Variants in SOX5 observed in about 807,000 individuals in gnomAD.
The protein encoded by SOX5 is SRY-box transcription factor 5.
SOX5 carries 9 observed loss-of-function variants against 92.0 expected under a neutral mutation model. That is an observed-to-expected ratio of 0.10 (90% CI 0.06 to 0.17). SOX5 has a LOEUF of 0.17. SOX5 is among the 10% of genes least tolerant of loss of function. The probability of loss-of-function intolerance (pLI) is 1.00; values close to 1 mark genes in which losing one functional copy is unlikely to be tolerated. For synonymous variants in SOX5, 344 were observed against 336.3 expected, an observed-to-expected ratio of 1.02 and a Z score of -0.25; for missense variants, 642 against 944.5, an observed-to-expected ratio of 0.68 and a Z score of 4.20.
At chr12:24,126,555 G>C (rs115366679) in intron 4 of SOX5, among the ~76,000 whole-genome samples, 2 of 152,088 alleles carry the variant, frequency 1.3e-5, no homozygotes, top group Non-Finnish European at 2.9e-5. Context: ...GCCACTTCTC[G>C]GCATCTCCAC....
intron 4 of SOX5, among the ~76,000 whole-genome samples, chr12:23,749,939 G>A (rs2094131873): frequency 6.6e-6 from 1 of 151,704 alleles, no homozygotes. Flanking sequence ...TGGTCAATAT[G>A]TAAACAGGGA....
intron 4 of SOX5, among the ~76,000 whole-genome samples, chr12:24,008,481 T>C (rs546045077): frequency 1.3e-5 from 2 of 152,218 alleles, no homozygotes; most frequent in South Asian, 2.1e-4. Flanking sequence ...ATGGACATCC[T>C]AGTACAGAGC....
intron 1 of SOX5, among the ~76,000 whole-genome samples, chr12:24,433,982 T>C (rs535027163): frequency 6.6e-6 from 1 of 152,140 alleles, no homozygotes; most frequent in South Asian, 2.1e-4. Context: ...AAAAGGCCAA[T>C]GGCATTGCCT....
At chr12:23,697,015 A>T (rs2140140890) in intron 6 of SOX5, among the ~76,000 whole-genome samples, 1 of 152,230 alleles carries the variant, frequency 6.6e-6, no homozygotes, top group African/African-American at 2.4e-5. Flanking sequence ...CCAGAGTGTA[A>T]TCTGCTTGCT....
chr12:24,507,243 C>T (rs1035255412), intron 1 of SOX5, among the ~76,000 whole-genome samples: 3 of 151,878 alleles, frequency 2.0e-5, no homozygotes, highest in Non-Finnish European at 4.4e-5. Context: ...AGGCTGTCAC[C>T]ACTTGAACCC....
In SOX5 at chr12:23,534,402, C is replaced by T; in HGVS notation, c.2109G>A (p.Glu703=). 1 of 1,614,130 alleles carries T rather than the reference C, an allele frequency of 6.2e-7. No homozygotes were observed. The highest frequency in any genetic ancestry group is 8.5e-7 in the Non-Finnish European group (1 of 1,180,010). Residue 703 remains glutamate, a synonymous_variant, in exon 15 of 15, where the codon GAG becomes GAA. Transcript: ENST00000451604. ...SEHSSVSSSP[E]PGMPVIQSTY... ...TGCTCTGGATAACAGGCATCCCAGG[C>T]TCTGGGCTGCTAGACACGCTTGAGT... is the stretch of plus-strand genomic sequence containing the variant.
Position 23,721,073 on chromosome 12 carries a change from TTTTA to T in SOX5, c.810+13607_810+13610del, listed in dbSNP as rs573080260. Among the ~76,000 whole-genome samples the T allele has an allele frequency of 8.2e-5, 12 of 146,426 alleles. 1 individual carries two copies. The highest frequency in any genetic ancestry group is 5.8e-4 in the East Asian group (3 of 5,182). On this transcript the variant is annotated intron_variant, in intron 6 of 14. Transcript: ENST00000451604. ...AAAGTCTGTTTTTCTATATTAATTA[TTTTA>T]TTTATTTATTTATTTATTTATTTTT... is the stretch of plus-strand genomic sequence containing the variant.
chr12:24,094,420 G>C (rs1198590942), intron 4 of SOX5, among the ~76,000 whole-genome samples: 1 of 144,406 alleles, frequency 6.9e-6, no homozygotes, highest in Non-Finnish European at 1.5e-5. Context: ...CTTATTTTTT[G>C]GTGGCTTTTC....
chr12:23,574,164 A>T (rs1948779217), intron 10 of SOX5, among the ~76,000 whole-genome samples: 1 of 152,050 alleles, frequency 6.6e-6, no homozygotes, highest in African/African-American at 2.4e-5. Flanking sequence ...TGCAATACCT[A>T]TGATTCTTCA....
At chr12:24,087,203 T>C (rs535619231) in intron 4 of SOX5, among the ~76,000 whole-genome samples, 42 of 152,032 alleles carry the variant, frequency 2.8e-4, no homozygotes, top group Non-Finnish European at 4.4e-4. Flanking sequence ...TTGCTTATCA[T>C]TATAGAATGG....
At chr12:24,408,230 T>C (rs1378045879) in intron 1 of SOX5, among the ~76,000 whole-genome samples, 1 of 152,218 alleles carries the variant, frequency 6.6e-6, no homozygotes, top group East Asian at 1.9e-4. Context: ...AAAGACGCTT[T>C]CAGATTTTAA....
intron 4 of SOX5, among the ~76,000 whole-genome samples, chr12:24,166,603 C>T (rs1411121869): frequency 6.6e-6 from 1 of 152,126 alleles, no homozygotes; most frequent in African/African-American, 2.4e-5. Context: ...ATCTATAGCA[C>T]CTCTTCTTTC....
At chr12:23,991,324 A>G (rs1038761466) in intron 4 of SOX5, among the ~76,000 whole-genome samples, 8 of 151,556 alleles carry the variant, frequency 5.3e-5, no homozygotes, top group Non-Finnish European at 1.2e-4. Context: ...TCTTTCTTAA[A>G]AAAAAAACAA....
intron 4 of SOX5, among the ~76,000 whole-genome samples, chr12:24,185,968 G>C (rs1375671654): frequency 6.6e-6 from 1 of 152,036 alleles, no homozygotes; most frequent in Non-Finnish European, 1.5e-5. Flanking sequence ...AAGACTACAG[G>C]ATATGCTTCT....
intron 4 of SOX5, among the ~76,000 whole-genome samples, chr12:23,972,056 A>G (rs183466167): frequency 2.0e-5 from 3 of 152,322 alleles, no homozygotes; most frequent in African/African-American, 7.2e-5. Context: ...GTAGTCTTAT[A>G]TAGCATCACA....
chr12:23,577,402 G>C (rs544947169), intron 9 of SOX5, among the ~76,000 whole-genome samples: 2 of 151,704 alleles, frequency 1.3e-5, no homozygotes, highest in East Asian at 3.9e-4. Context: ...GTTTCACCAT[G>C]TTGGCCAGCT....
chr12:23,917,775 T>G (rs2097433081), intron 1 of SOX5, among the ~76,000 whole-genome samples: 1 of 152,194 alleles, frequency 6.6e-6, no homozygotes, highest in African/African-American at 2.4e-5. Context: ...TTTACTCTTA[T>G]TTTTGAAAAG....
chr12:23,730,439 A>C (rs959270165), intron 6 of SOX5, among the ~76,000 whole-genome samples: 1 of 152,194 alleles, frequency 6.6e-6, no homozygotes, highest in African/African-American at 2.4e-5. Flanking sequence ...AGAGTCTCAT[A>C]GAAAAGTGGA....
intron 1 of SOX5, among the ~76,000 whole-genome samples, chr12:24,505,086 C>A (rs1948591368): frequency 6.6e-6 from 1 of 152,236 alleles, no homozygotes; most frequent in South Asian, 2.1e-4. Flanking sequence ...GGTTTAAGAT[C>A]TGACCATGTT....
Sources: gnomAD v4.1 joint callset for allele counts (sites outside exome capture counted in the v4.1 genomes callset) on GRCh38, gnomAD v4.1.1 for gene constraint, MANE v1.5 for transcripts, NCBI Gene and HGNC (gene_info 2026-07-23, HGNC 2026-07-21) for gene names.